Variants in RGS7 observed in about 807,000 individuals in gnomAD.
The protein encoded by RGS7 is regulator of G-protein signaling 7.
A neutral mutation model predicts 81.1 loss-of-function variants in RGS7; 27 were observed. That is an observed-to-expected ratio of 0.33 (90% confidence interval 0.25 to 0.46). The LOEUF (loss-of-function observed/expected upper bound fraction) is 0.46. Among genes scored for constraint, RGS7 ranks in the 20% least tolerant of loss-of-function variants. RGS7 has a pLI of 1.00. For synonymous variants in RGS7, 208 were observed against 207.7 expected (o/e 1.00, Z -0.01); for missense variants, 396 against 607.4 (o/e 0.65, Z 3.66).
chr1:240,982,323 G>A (rs1394826672), intron 4 of RGS7, among the ~76,000 whole-genome samples: 1 of 149,748 alleles, frequency 6.7e-6, no homozygotes, highest in Non-Finnish European at 1.5e-5. Context: ...TCGGGAGGCT[G>A]AGGCAGAAGA....
intron 3 of RGS7, among the ~76,000 whole-genome samples, chr1:241,064,097 C>A (rs1481659825): frequency 1.3e-5 from 2 of 149,408 alleles, no homozygotes; most frequent in Admixed American, 6.8e-5. Context: ...GCAGGAGAAT[C>A]GCTTGAACCT....
intron 3 of RGS7, among the ~76,000 whole-genome samples, chr1:241,086,204 T>C (rs1286481035): frequency 6.6e-6 from 1 of 152,236 alleles, no homozygotes; most frequent in African/African-American, 2.4e-5. Flanking sequence ...TCTCATCTGG[T>C]TGTTCTACAT....
chr1:240,881,999 C>T (rs984480579), intron 6 of RGS7, among the ~76,000 whole-genome samples: 1 of 151,738 alleles, frequency 6.6e-6, no homozygotes, highest in Non-Finnish European at 1.5e-5. Flanking sequence ...ACTGTTATCT[C>T]CACCTCCCTG....
chr1:240,885,733 C>G (rs1294141475), intron 6 of RGS7, among the ~76,000 whole-genome samples: 2 of 152,076 alleles, frequency 1.3e-5, no homozygotes, highest in Non-Finnish European at 2.9e-5. Context: ...GCAACAGACA[C>G]TGGGATCTAC....
chr1:240,957,887 T>C (rs147873897), intron 4 of RGS7, among the ~76,000 whole-genome samples: 1 of 152,280 alleles, frequency 6.6e-6, no homozygotes, highest in East Asian at 1.9e-4. Flanking sequence ...GCATAACCTG[T>C]AGTGAAGGTC....
chr1:241,215,895 A>G (rs1231289114), intron 2 of RGS7, among the ~76,000 whole-genome samples: 2 of 152,236 alleles, frequency 1.3e-5, no homozygotes, highest in Non-Finnish European at 2.9e-5. Flanking sequence ...AGAGTGCTCC[A>G]TTGGTTTAAT....
At chr1:241,172,240 A>G (rs2070786118) in intron 2 of RGS7, among the ~76,000 whole-genome samples, 1 of 152,152 alleles carries the variant, frequency 6.6e-6, no homozygotes, top group Admixed American at 6.5e-5. Context: ...TAAAAAAGGC[A>G]CAGCACACGT....
chr1:241,231,335 T>G (rs557392240), intron 2 of RGS7, among the ~76,000 whole-genome samples: 1 of 152,326 alleles, frequency 6.6e-6, no homozygotes, highest in Non-Finnish European at 1.5e-5. Flanking sequence ...AATAAAAAAT[T>G]TATTTATTAT....
chr1:241,090,675 T>C (rs888270561), intron 3 of RGS7, among the ~76,000 whole-genome samples: 1 of 152,218 alleles, frequency 6.6e-6, no homozygotes, highest in African/African-American at 2.4e-5. Flanking sequence ...TCTTTCTCCT[T>C]CACTGGGTTC....
chr1:241,275,703 C>A (rs1186877071), intron 2 of RGS7, among the ~76,000 whole-genome samples: 1 of 152,192 alleles, frequency 6.6e-6, no homozygotes, highest in Non-Finnish European at 1.5e-5. Flanking sequence ...CTATTTTGAA[C>A]AACAGCTGGG....
At chr1:240,843,321 AGTGGT>A (rs1165882081) in intron 9 of RGS7, among the ~76,000 whole-genome samples, 2 of 151,724 alleles carry the variant, frequency 1.3e-5, no homozygotes, top group Non-Finnish European at 2.9e-5. Flanking sequence ...GCTGCAATGC[AGTGGT>A]GTGATCTCAG....
intron 2 of RGS7, among the ~76,000 whole-genome samples, chr1:241,135,688 C>T (rs1159001773): frequency 6.6e-6 from 1 of 152,140 alleles, no homozygotes; most frequent in Non-Finnish European, 1.5e-5. Context: ...AACCAAAGAG[C>T]TTTGAACAAG....
At chr1:240,791,662 AG>A (rs1393310712) in intron 18 of RGS7, among the ~76,000 whole-genome samples, 1 of 152,180 alleles carries the variant, frequency 6.6e-6, no homozygotes, top group Non-Finnish European at 1.5e-5. Context: ...GCAAGAGAAA[AG>A]GATTTTGAAA....
rs554567405 is a variant in RGS7, at chr1:240,801,314, A to G, written c.1413+141T>C. 15 of 680,536 alleles carry G rather than the reference A, an allele frequency of 2.2e-5. No individual in the cohort carries two copies. In the South Asian group the frequency reaches 2.4e-4, roughly 11 times the overall value. The allele number at this position is 680,536 out of a possible 1,614,324, so 42.2% of individuals were successfully genotyped here. A position where few individuals can be genotyped will look rare whatever the true frequency, so the allele number is the denominator to read the frequency against. ...TGGGACAGAAAGATAAGCAGAAAACATGAAGTTCTGAATTTGAATAAAAGA... is the reference window on the plus strand; with the variant it reads ...TGGGACAGAAAGATAAGCAGAAAACGTGAAGTTCTGAATTTGAATAAAAGA... On this transcript the variant is annotated intron_variant, in intron 17 of 18. Coordinates refer to ENST00000440928, the MANE Select transcript of RGS7 (RefSeq NM_001364886.1).
intron 2 of RGS7, among the ~76,000 whole-genome samples, chr1:241,303,090 T>C (rs1483719564): frequency 1.3e-5 from 2 of 152,202 alleles, no homozygotes; most frequent in South Asian, 2.1e-4. Flanking sequence ...TTATTTCTAG[T>C]AATAAAATTG....
chr1:240,818,975 A>T (rs1010362031), intron 10 of RGS7, among the ~76,000 whole-genome samples: 1 of 152,206 alleles, frequency 6.6e-6, no homozygotes, highest in Non-Finnish European at 1.5e-5. Flanking sequence ...GGTGACGAAT[A>T]TGTTGATTAC....
chr1:240,824,985 C>T (rs1025352409), intron 10 of RGS7, among the ~76,000 whole-genome samples: 11 of 152,214 alleles, frequency 7.2e-5, no homozygotes, highest in Non-Finnish European at 1.6e-4. Context: ...TGCCACCACC[C>T]TGATCTCGAA....
At chr1:241,286,410 C>T (rs2078812864) in intron 2 of RGS7, among the ~76,000 whole-genome samples, 1 of 152,168 alleles carries the variant, frequency 6.6e-6, no homozygotes, top group Non-Finnish European at 1.5e-5. Flanking sequence ...TATTATTACA[C>T]ATACACGCCA....
chr1:241,251,290 G>C (rs2076814689), intron 2 of RGS7, among the ~76,000 whole-genome samples: 1 of 152,084 alleles, frequency 6.6e-6, no homozygotes, highest in African/African-American at 2.4e-5. Context: ...TCAAAGACAT[G>C]ATTGCTCAGA....
Sources: allele counts gnomAD v4.1 joint callset (sites outside exome capture counted in the v4.1 genomes callset), GRCh38; gene constraint gnomAD v4.1.1; transcripts MANE v1.5; gene names NCBI Gene and HGNC (gene_info 2026-07-23, HGNC 2026-07-21).